Variants in CNN3 observed in about 807,000 individuals in gnomAD.
CNN3 encodes the protein calponin 3, also known as calponin-3.
In CNN3, 11 loss-of-function variants were observed where a neutral mutation model predicts 39.0. The observed-to-expected ratio is 0.28, with a 90% CI of 0.18 to 0.47. The LOEUF is 0.47. Among genes scored for constraint, CNN3 ranks in the 20% least tolerant of loss-of-function variants. The pLI is 0.99. For synonymous variants in CNN3, 101 were observed against 138.3 expected, an observed-to-expected ratio of 0.73 and a Z score of 1.89; for missense variants, 266 against 403.4, an observed-to-expected ratio of 0.66 and a Z score of 2.92.
intron 1 of CNN3, among the ~76,000 whole-genome samples, chr1:94,911,990 T>C (rs1025799133): frequency 6.6e-6 from 1 of 151,986 alleles, no homozygotes; most frequent in African/African-American, 2.4e-5. Flanking sequence ...CGCTTGAGCC[T>C]GGGAGGCGGA....
In CNN3 at chr1:94,901,665, T is replaced by C. The variant is rs1670872050; in HGVS notation, c.501+4A>G. 2 of 1,599,446 alleles carry C rather than the reference T, an allele frequency of 1.3e-6. No individual in the cohort carries two copies. The highest frequency in any genetic ancestry group is 8.6e-7 in the Non-Finnish European group (1 of 1,166,758). Reference sequence around the variant, plus strand: ...AATTGAATAAGCAACACCACATTACTTACCTGCAGACCAATTACACTTTGG... The same window carrying C: ...AATTGAATAAGCAACACCACATTACCTACCTGCAGACCAATTACACTTTGG... On this transcript the variant is annotated splice_donor_region_variant and intron_variant, in intron 5 of 6. Transcript: ENST00000370206.
chr1:94,923,144 C>CT (rs1359080561), intron 1 of CNN3, among the ~76,000 whole-genome samples: 15 of 152,228 alleles, frequency 9.9e-5, no homozygotes, highest in Non-Finnish European at 2.1e-4. Context: ...TCCCATCCAA[C>CT]TTTACGGGAA....
intron 1 of CNN3, among the ~76,000 whole-genome samples, chr1:94,914,890 CTCT>C (rs1166706066): frequency 1.3e-5 from 2 of 151,742 alleles, no homozygotes; most frequent in East Asian, 1.9e-4. Flanking sequence ...CCCATTTTCT[CTCT>C]TTTTTTTTTC....
Position 94,897,660 on chromosome 1 carries a change from C to A in CNN3, c.*82G>T, listed in dbSNP as rs1296501064. The A allele has an allele frequency of 3.9e-6, 5 of 1,273,124 alleles. No homozygotes were observed. Among genetic ancestry groups the A allele is most frequent in the Non-Finnish European group, 5.5e-6 (5 of 906,288 alleles). 78.9% of individuals were successfully genotyped at this position (1,273,124 alleles called of 1,614,324 possible). ...TAAGCTTAATAGTGTTTTAGGAAGACAAGATAAAAATTACTCAAGGCTAGC... is the reference window on the plus strand; with the variant it reads ...TAAGCTTAATAGTGTTTTAGGAAGAAAAGATAAAAATTACTCAAGGCTAGC... On this transcript the variant is annotated 3_prime_UTR_variant, in exon 7 of 7. Transcript: ENST00000370206.
Position 94,897,700 on chromosome 1 carries a change from A to G in CNN3, c.*42T>C. 1 of 1,552,460 alleles carries G rather than the reference A, an allele frequency of 6.4e-7. No homozygotes were observed. The highest frequency in any genetic ancestry group is 2.3e-5 in the East Asian group (1 of 44,410). ...TCAAGGCTAGCTTGGTTCTCACTGAATAAAAACAAAGGACTAAATACTGAG... is the reference window on the plus strand; with the variant it reads ...TCAAGGCTAGCTTGGTTCTCACTGAGTAAAAACAAAGGACTAAATACTGAG... On this transcript the variant is annotated 3_prime_UTR_variant, in exon 7 of 7. Transcript: ENST00000370206.
chr1:94,900,563 C>G (rs1225118214), intron 5 of CNN3, among the ~76,000 whole-genome samples: 1 of 152,026 alleles, frequency 6.6e-6, no homozygotes, highest in Non-Finnish European at 1.5e-5. Context: ...ATTCAACCAA[C>G]TGACTACTGT....
At chr1:94,921,350 G>A (rs3789712) in intron 1 of CNN3, among the ~76,000 whole-genome samples, 56,140 of 151,920 alleles carry the variant, frequency 0.37, 11,000 homozygotes, top group Non-Finnish European at 0.45. Flanking sequence ...AGCCGAGATC[G>A]TACGACCTCA....
intron 1 of CNN3, among the ~76,000 whole-genome samples, chr1:94,917,048 G>A (rs1671302344): frequency 6.6e-6 from 1 of 152,054 alleles, no homozygotes; most frequent in African/African-American, 2.4e-5. Context: ...TTGTTTGTTT[G>A]TTTTTGAGAT....
chr1:94,897,915 A>G lies in CNN3; in HGVS notation c.817T>C (p.Cys273Arg). The G allele has an allele frequency of 6.2e-7, 1 of 1,614,094 alleles. No individual in the cohort carries two copies. Among genetic ancestry groups the G allele is most frequent in the South Asian group, 1.1e-5 (1 of 91,082 alleles). ...ATGACAGGTTCTGTAGGAGCAGCAC[A>G]GTATTTGGGATCATATACTTGCCGC... ...LGRQVYDPKY[C>R]AAPTEPVIHN... The change falls in exon 7 of 7, where the codon TGT becomes CGT. Residue 273 changes from cysteine to arginine, a missense_variant. Cys to Arg is a radical substitution (Grantham distance 180, BLOSUM62 -3). Transcript: ENST00000370206.
chr1:94,926,335 TG>T lies in CNN3; in HGVS notation c.57+502del, dbSNP rs1350558730. Among the ~76,000 whole-genome samples the T allele has an allele frequency of 6.6e-6, 1 of 151,786 alleles. No homozygotes were observed. Among genetic ancestry groups the T allele is most frequent in the Non-Finnish European group, 1.5e-5 (1 of 67,908 alleles). On this transcript the variant is annotated intron_variant, in intron 1 of 6. Transcript: ENST00000370206. This position sits in a 1 kb window ranked among gnomAD's most constrained non-coding sequence, Gnocchi z 4.2. Reference sequence around the variant, plus strand: ...ACCGGCTTCCGTTCCTCGGGGCCCCTGGGGTCGGCGGGACATTAGGCGGTCT... The same window carrying T: ...ACCGGCTTCCGTTCCTCGGGGCCCCTGGGTCGGCGGGACATTAGGCGGTCT...
chr1:94,925,510 C>T lies in CNN3; in HGVS notation c.57+1328G>A, dbSNP rs970042384. The T allele has an allele frequency of 1.3e-5, 10 of 746,038 alleles. No individual in the cohort carries two copies. In the African/African-American group the frequency reaches 1.7e-4, roughly 13 times the overall value. 46.2% of individuals were successfully genotyped at this position (746,038 alleles called of 1,614,324 possible). A position where few individuals can be genotyped will look rare whatever the true frequency, so the allele number is the denominator to read the frequency against. On this transcript the variant is annotated intron_variant, in intron 1 of 6. Transcript: ENST00000370206. ...GAAAAGGTAAAGGACCTAAACATTT[C>T]AACTTTAGATACATAGACTAAAATC...
At chr1:94,921,654 T>C (rs1396381913) in intron 1 of CNN3, among the ~76,000 whole-genome samples, 2 of 152,048 alleles carry the variant, frequency 1.3e-5, no homozygotes, top group African/African-American at 4.8e-5. Flanking sequence ...GTATTAGCGA[T>C]GTCATCATTG....
At position 94,926,756 on chromosome 1, in the gene CNN3, A is replaced by T; in HGVS notation, c.57+82T>A. The T allele has an allele frequency of 1.4e-6, 2 of 1,446,936 alleles. No homozygotes were observed. Among genetic ancestry groups the T allele is most frequent in the East Asian group, 4.9e-5 (2 of 40,592 alleles). 89.6% of individuals were successfully genotyped at this position (1,446,936 alleles called of 1,614,324 possible). ...CAGGAAAACGGTGAGCCACAGCGCG[A>T]AGAGCAAACGAAGCACGGCCCAGCG... On this transcript the variant is annotated intron_variant, in intron 1 of 6. Coordinates refer to ENST00000370206, the MANE Select transcript of CNN3 (RefSeq NM_001839.5). The surrounding 1 kb of genome is among the most constrained non-coding windows in gnomAD (Gnocchi z 4.2).
chr1:94,909,991 T>C (rs1671118108), intron 1 of CNN3, among the ~76,000 whole-genome samples: 1 of 152,208 alleles, frequency 6.6e-6, no homozygotes. Context: ...CTGCTTGTTT[T>C]TCACATGGAT....
intron 1 of CNN3, among the ~76,000 whole-genome samples, chr1:94,905,283 C>A (rs545233808): frequency 2.6e-5 from 4 of 152,274 alleles, no homozygotes; most frequent in African/African-American, 9.6e-5. Context: ...GCCACAACAG[C>A]CTTTTAACTT....
chr1:94,905,456 C>T (rs777151172), intron 1 of CNN3, among the ~76,000 whole-genome samples: 2 of 152,150 alleles, frequency 1.3e-5, no homozygotes, highest in Non-Finnish European at 1.5e-5. Context: ...TTCCCCTCCC[C>T]GCCACGCCAA....
chr1:94,908,206 A>C (rs1459428541), intron 1 of CNN3, among the ~76,000 whole-genome samples: 2 of 152,252 alleles, frequency 1.3e-5, no homozygotes, highest in African/African-American at 4.8e-5. Flanking sequence ...ACATGTGAAG[A>C]TAATGAAGAC....
chr1:94,905,991 A>T (rs1359097269), intron 1 of CNN3, among the ~76,000 whole-genome samples: 1 of 151,578 alleles, frequency 6.6e-6, no homozygotes, highest in African/African-American at 2.4e-5. Context: ...TTTTAAAAAT[A>T]TTTTTTTTTG....
chr1:94,904,364 C>T (rs913446976), intron 1 of CNN3, among the ~76,000 whole-genome samples: 2 of 151,988 alleles, frequency 1.3e-5, no homozygotes, highest in Non-Finnish European at 2.9e-5. Context: ...AAAATTTAAA[C>T]AAAATATTGT....
Sources: gnomAD v4.1 joint callset for allele counts (sites outside exome capture counted in the v4.1 genomes callset) on GRCh38, gnomAD v4.1.1 for gene constraint, Gnocchi (gnomAD v3.1) non-coding constraint, MANE v1.5 for transcripts, NCBI Gene and HGNC (gene_info 2026-07-23, HGNC 2026-07-21) for gene names.